The following METAP2 variants were observed in gnomAD, a reference collection of about 807,000 sequenced individuals.
The protein encoded by METAP2 is methionyl aminopeptidase 2, also known as methionine aminopeptidase 2.
Under a neutral mutation model 59.4 loss-of-function variants are expected in METAP2, and 25 were observed. The observed-to-expected ratio is 0.42, with a 90% CI of 0.31 to 0.59. The LOEUF (loss-of-function observed/expected upper bound fraction) is 0.59. Ranked by LOEUF, METAP2 falls within the 20% of genes least tolerant of loss-of-function variation. The pLI, the probability that METAP2 is intolerant of heterozygous loss-of-function variation, is 0.16. For missense variants in METAP2, 366 were observed against 581.2 expected (o/e 0.63, Z 3.81); for synonymous variants, 214 against 194.1 (o/e 1.10, Z -0.85).
Position 95,513,753 on chromosome 12 carries a change from T to G in METAP2, c.1286T>G (p.Leu429Trp), listed in dbSNP as rs2076422901. Residue 429 changes from leucine to tryptophan, a missense_variant, in exon 11 of 11, where the codon TTG (leucine) becomes TGG (tryptophan). By Grantham distance (61) the Leu-to-Trp change is moderately conservative. Around this residue, in one of 4 missense-constraint regions of METAP2, gnomAD observed 82 missense variants for 156.2 expected, o/e 0.52. Transcript: ENST00000323666. ...GATCGCTTGGGAGAAAGTAAATACT[T>G]GATGGCTCTGAAGAATCTGTGTGAC... ...WLDRLGESKY[L>W]MALKNLCDLG... 1 of 1,614,130 alleles carries G rather than the reference T, an allele frequency of 6.2e-7. No homozygotes were observed.
At chr12:95,498,637 C>T (rs1329947955) in intron 7 of METAP2, among the ~76,000 whole-genome samples, 1 of 152,144 alleles carries the variant, frequency 6.6e-6, no homozygotes, top group Non-Finnish European at 1.5e-5. Flanking sequence ...CACATTCATT[C>T]TTTTGCATGT....
intron 8 of METAP2, among the ~76,000 whole-genome samples, chr12:95,505,777 G>T (rs111463315): frequency 0.076 from 11,491 of 151,554 alleles, 564 homozygotes; most frequent in African/African-American, 0.13. Flanking sequence ...TTACAGGCAT[G>T]AGCCACCGTG....
At chr12:95,483,417 A>C in intron 3 of METAP2, 137 bp downstream of exon 3, 1 of 547,036 alleles carries the variant, frequency 1.8e-6, no homozygotes, top group Middle Eastern at 3.8e-4. Context: ...CGGAGATTGC[A>C]GTAAGCTGAG....
chr12:95,487,731 ATTGT>A (rs1262992100), intron 4 of METAP2, among the ~76,000 whole-genome samples: 2 of 151,916 alleles, frequency 1.3e-5, no homozygotes, highest in Admixed American at 6.6e-5. Context: ...ATGTTTGATC[ATTGT>A]TTGTTTTACA....
At chr12:95,510,415 G>A (rs1007143444) in intron 8 of METAP2, among the ~76,000 whole-genome samples, 4 of 152,214 alleles carry the variant, frequency 2.6e-5, no homozygotes, top group Non-Finnish European at 5.9e-5. Context: ...TCTTCTTGCT[G>A]CATCATCCTA....
intron 7 of METAP2, among the ~76,000 whole-genome samples, chr12:95,498,644 A>T (rs567022218): frequency 1.3e-5 from 2 of 152,224 alleles, no homozygotes; most frequent in Non-Finnish European, 2.9e-5. Flanking sequence ...ATTCTTTTGC[A>T]TGTGAATGTC....
intron 7 of METAP2, among the ~76,000 whole-genome samples, chr12:95,499,566 T>A (rs2076300493): frequency 7.0e-6 from 1 of 143,166 alleles, no homozygotes; most frequent in Non-Finnish European, 1.5e-5. Context: ...CATACGAATT[T>A]AGGATTTTTT....
chr12:95,490,275 T>G lies in METAP2; in HGVS notation c.429-3781T>G, dbSNP rs563162413. On this transcript the variant is annotated intron_variant, in intron 4 of 10. Coordinates refer to ENST00000323666, the MANE Select transcript of METAP2 (RefSeq NM_006838.4). ...TGCCACCACACCCGGCATAGTAGTT[T>G]TTTTTTTTTTTTTTCTGAGCCATTT... Among the ~76,000 whole-genome samples the G allele has an allele frequency of 2.9e-3, 434 of 149,730 alleles. 1 individual carries two copies. Among genetic ancestry groups the G allele is most frequent in the African/African-American group, 0.01 (423 of 40,772 alleles).
chr12:95,506,795 C>CTTATTTATTTAT (rs56755873), intron 8 of METAP2, among the ~76,000 whole-genome samples: 14,233 of 147,234 alleles, frequency 0.097, 862 homozygotes, highest in African/African-American at 0.15. Flanking sequence ...AAGCAGAATA[C>CTTATTTATTTAT]TTATTTATTT....
intron 2 of METAP2, among the ~76,000 whole-genome samples, chr12:95,477,032 G>A (rs2076124995): frequency 6.6e-6 from 1 of 152,122 alleles, no homozygotes; most frequent in Non-Finnish European, 1.5e-5. Flanking sequence ...AAGTGACATA[G>A]CTAATATGTG....
At chr12:95,476,971 C>T (rs962677742) in intron 2 of METAP2, among the ~76,000 whole-genome samples, 2 of 152,160 alleles carry the variant, frequency 1.3e-5, no homozygotes, top group Non-Finnish European at 2.9e-5. Flanking sequence ...ATGGCTTTAC[C>T]CAGCCATCTC....
chr12:95,490,367 A>G (rs1271051864), intron 4 of METAP2, among the ~76,000 whole-genome samples: 1 of 143,400 alleles, frequency 7.0e-6, no homozygotes, highest in Admixed American at 7.4e-5. Flanking sequence ...TCAGGGTGTT[A>G]TATCTAGAGG....
chr12:95,497,555 T>C (rs1477681419), intron 7 of METAP2, among the ~76,000 whole-genome samples: 1 of 152,210 alleles, frequency 6.6e-6, no homozygotes, highest in East Asian at 1.9e-4. Flanking sequence ...TAGATACCTC[T>C]TCAAGGTCTG....
chr12:95,476,256 C>T lies in METAP2; in HGVS notation c.259+78C>T. 4.4e-6 allele frequency: 4 copies of T among 907,776 alleles called. No homozygotes were observed. The South Asian group carries it at 6.7e-5, about 15-fold the overall frequency. 56.2% of individuals were successfully genotyped at this position (907,776 alleles called of 1,614,324 possible). A position where few individuals can be genotyped will look rare whatever the true frequency, so the allele number is the denominator to read the frequency against. On this transcript the variant is annotated intron_variant, in intron 2 of 10. Coordinates refer to ENST00000323666, the MANE Select transcript of METAP2 (RefSeq NM_006838.4). ...GTGTGGTGGCACACACCTGTAATCC[C>T]AGCACTTTGGGAGGTCGAGGCGGGT...
chr12:95,501,007 A>ATTTTTTTTTTTTTTTTTTTTTTTTTT (rs540202398), intron 7 of METAP2, among the ~76,000 whole-genome samples: 3 of 103,564 alleles, frequency 2.9e-5, no homozygotes, highest in Non-Finnish European at 3.8e-5. Context: ...CTTTGTTGGG[A>ATTTTTTTTTTTTTTTTTTTTTTTTTT]TTTTTTTTTT....
At chr12:95,486,278 T>C (rs1350834320) in intron 4 of METAP2, among the ~76,000 whole-genome samples, 2 of 136,982 alleles carry the variant, frequency 1.5e-5, no homozygotes, top group Admixed American at 1.7e-4. Context: ...GGTTTAGTAC[T>C]TTTCCCCCCT....
intron 2 of METAP2, among the ~76,000 whole-genome samples, chr12:95,476,806 C>G (rs773842849): frequency 3.9e-5 from 6 of 152,176 alleles, no homozygotes; most frequent in Non-Finnish European, 8.8e-5. Flanking sequence ...TGAAGAACTA[C>G]TATGTACTAG....
chr12:95,505,826 G>A (rs1325749775), intron 8 of METAP2, among the ~76,000 whole-genome samples: 1 of 151,434 alleles, frequency 6.6e-6, no homozygotes, highest in Non-Finnish European at 1.5e-5. Context: ...CAGACGTGGT[G>A]GCTCACGCCT....
chr12:95,488,109 G>A (rs976767490), intron 4 of METAP2, among the ~76,000 whole-genome samples: 3 of 152,052 alleles, frequency 2.0e-5, no homozygotes, highest in African/African-American at 7.2e-5. Flanking sequence ...TATACTATTA[G>A]TGATTTCGAG....
Sources: allele counts gnomAD v4.1 joint callset (sites outside exome capture counted in the v4.1 genomes callset), GRCh38; gene constraint gnomAD v4.1.1; regional missense constraint gnomAD v4.1.1; transcripts MANE v1.5; gene names NCBI Gene and HGNC (gene_info 2026-07-23, HGNC 2026-07-21).